Variants in CDK13 observed in about 807,000 individuals in gnomAD.
CDK13 encodes cyclin-dependent kinase 13.
A neutral mutation model predicts 137.6 loss-of-function variants in CDK13; 40 were observed. The observed-to-expected ratio is 0.29, with a 90% CI of 0.23 to 0.38. The LOEUF (loss-of-function observed/expected upper bound fraction) is 0.38. Ranked by LOEUF, CDK13 falls within the 10% of genes least tolerant of loss-of-function variation. The pLI is 1.00. For missense variants in CDK13, 1,704 were observed against 1,951.8 expected, an observed-to-expected ratio of 0.87 and a Z score of 2.39; for synonymous variants, 869 against 760.1, an observed-to-expected ratio of 1.14 and a Z score of -2.36.
chr7:40,063,225 G>A, intron 9 of CDK13, 125 bp downstream of exon 9: 1 of 684,764 alleles, frequency 1.5e-6, no homozygotes, highest in Non-Finnish European at 2.5e-6. Flanking sequence ...GCTTATGACT[G>A]CTAAATGGAG....
At chr7:40,003,227 T>TCTCTCTCTCTCTCTCTC (rs1784731983) in intron 5 of CDK13, among the ~76,000 whole-genome samples, 2 of 84,306 alleles carry the variant, frequency 2.4e-5, no homozygotes, top group African/African-American at 1.2e-4. Context: ...CTCTCTCTCT[T>TCTCTCTCTCTCTCTCTC]ACTCTGTTGA....
intron 3 of CDK13, chr7:39,998,092 G>T (rs917925399): frequency 4.5e-5 from 7 of 157,036 alleles, no homozygotes; most frequent in Non-Finnish European, 7.0e-5. Context: ...GCAAGAGATG[G>T]AGTAGAAGAA....
chr7:40,082,442 C>T (rs1470373873), intron 11 of CDK13, among the ~76,000 whole-genome samples: 3 of 128,210 alleles, frequency 2.3e-5, no homozygotes, highest in African/African-American at 8.1e-5. Context: ...GCCAAGATGG[C>T]GCCACTGCAC....
At chr7:40,066,904 A>G (rs1786291709) in intron 9 of CDK13, 1 of 152,058 alleles carries the variant, frequency 6.6e-6, no homozygotes, top group African/African-American at 2.4e-5. Context: ...CTTTTTTTTT[A>G]AACGATTCCT....
intron 9 of CDK13, chr7:40,069,704 ATTTT>A (rs1786367976): frequency 2.0e-5 from 3 of 153,502 alleles, no homozygotes; most frequent in Non-Finnish European, 1.5e-5. Context: ...TGAATGAGTT[ATTTT>A]ATTTATAATT....
At chr7:39,992,581 T>A (rs574586715) in intron 2 of CDK13, among the ~76,000 whole-genome samples, 3 of 151,806 alleles carry the variant, frequency 2.0e-5, no homozygotes, top group Non-Finnish European at 4.4e-5. Context: ...CACAGTATCA[T>A]TGTGATAACA....
At chr7:40,066,973 C>A (rs1786293921) in intron 9 of CDK13, 1 of 151,192 alleles carries the variant, frequency 6.6e-6, no homozygotes, top group Non-Finnish European at 1.5e-5. Flanking sequence ...TTAAACCCAA[C>A]CAGCCAACTC....
At chr7:40,044,479 A>G (rs1472568606) in intron 5 of CDK13, among the ~76,000 whole-genome samples, 1 of 150,624 alleles carries the variant, frequency 6.6e-6, no homozygotes, top group Non-Finnish European at 1.5e-5. Context: ...CCACCACGCC[A>G]GGCTAATTTT....
intron 11 of CDK13, among the ~76,000 whole-genome samples, chr7:40,087,246 CTA>C (rs1174732835): frequency 6.6e-6 from 1 of 152,132 alleles, no homozygotes; most frequent in Non-Finnish European, 1.5e-5. Context: ...TGGGCTCAAG[CTA>C]TTCTCCCACT....
chr7:39,953,509 G>A (rs1787304858), intron 1 of CDK13, among the ~76,000 whole-genome samples: 5 of 152,168 alleles, frequency 3.3e-5, no homozygotes, highest in Admixed American at 3.3e-4. Flanking sequence ...TTGTATAATA[G>A]TGGTATGTAT....
At chr7:39,962,086 G>A (rs1337611078) in intron 1 of CDK13, among the ~76,000 whole-genome samples, 10 of 152,254 alleles carry the variant, frequency 6.6e-5, no homozygotes, top group Middle Eastern at 3.4e-3. Flanking sequence ...GAATAGTGCC[G>A]CAATAAACAT....
At chr7:40,045,797 G>A in intron 5 of CDK13, 39 bp from the exon 6 acceptor site, 1 of 1,348,684 alleles carries the variant, frequency 7.4e-7, no homozygotes, top group Non-Finnish European at 1.0e-6. Flanking sequence ...AAAGGTTGTA[G>A]GAATAAGTTT....
chr7:40,058,459 A>G (rs1786068713), intron 7 of CDK13, among the ~76,000 whole-genome samples: 1 of 151,728 alleles, frequency 6.6e-6, no homozygotes, highest in Non-Finnish European at 1.5e-5. Flanking sequence ...GCTTGAATCC[A>G]GGAGGCAGAG....
At chr7:39,988,417 C>G (rs1040486563) in intron 2 of CDK13, among the ~76,000 whole-genome samples, 159 bp downstream of exon 2, 1 of 151,990 alleles carries the variant, frequency 6.6e-6, no homozygotes, top group African/African-American at 2.4e-5. Context: ...AAATGAAGCA[C>G]ATTGCATACA....
chr7:40,076,495 T>C (rs1418583948), intron 9 of CDK13, among the ~76,000 whole-genome samples: 1 of 152,276 alleles, frequency 6.6e-6, no homozygotes, highest in African/African-American at 2.4e-5. Context: ...GAAGGCAGAT[T>C]GGGACCAGAT....
chr7:39,983,935 G>C (rs955940318), intron 1 of CDK13, among the ~76,000 whole-genome samples: 1 of 152,102 alleles, frequency 6.6e-6, no homozygotes, highest in Non-Finnish European at 1.5e-5. Flanking sequence ...TAAAGTGTGG[G>C]TTTTTATGAA....
intron 1 of CDK13, among the ~76,000 whole-genome samples, chr7:39,960,379 G>A (rs904934494): frequency 2.6e-5 from 4 of 151,154 alleles, no homozygotes; most frequent in Admixed American, 1.3e-4. Flanking sequence ...CCTCAGCCTC[G>A]CGAGTAGCTG....
rs546958904 is a variant in CDK13, at chr7:40,034,988, A to G, written c.2354-10848A>G. On this transcript the variant is annotated intron_variant, in intron 5 of 13. Coordinates refer to ENST00000181839, the MANE Select transcript of CDK13 (RefSeq NM_003718.5). ...ATTCATCTGTTAGGCACAATTGATA[A>G]TATTTCTTAAAATTATACTTCTAGA... Among the ~76,000 whole-genome samples the G allele has an allele frequency of 2.6e-5, 4 of 152,302 alleles. No homozygotes were observed. The South Asian group carries it at 8.3e-4, about 32-fold the overall frequency.
chr7:40,048,343 T>C (rs1391884577), intron 7 of CDK13: 1 of 152,186 alleles, frequency 6.6e-6, no homozygotes, highest in African/African-American at 2.4e-5. Flanking sequence ...GACACAAAAA[T>C]GTAGAACTTT....
Sources: allele counts gnomAD v4.1 joint callset (sites outside exome capture counted in the v4.1 genomes callset), GRCh38; gene constraint gnomAD v4.1.1; transcripts MANE v1.5; gene names NCBI Gene and HGNC (gene_info 2026-07-23, HGNC 2026-07-21).